UNC13C: variants seen among roughly 807,000 people sequenced by gnomAD.
The protein encoded by UNC13C is protein unc-13 homolog C.
Under a neutral mutation model 245.4 loss-of-function variants are expected in UNC13C, and 174 were observed. The observed-to-expected ratio is 0.71, with a 90% CI of 0.63 to 0.80. The LOEUF (loss-of-function observed/expected upper bound fraction) is 0.80, where lower values mean the gene tolerates loss of function less well. UNC13C is among the 30% of genes least tolerant of loss of function. The pLI, the probability that UNC13C is intolerant of heterozygous loss-of-function variation, is 0.00. For missense variants in UNC13C, 2,829 were observed against 2,602.9 expected, an observed-to-expected ratio of 1.09 and a Z score of -1.89; for synonymous variants, 992 against 895.1, an observed-to-expected ratio of 1.11 and a Z score of -1.93.
intron 22 of UNC13C, among the ~76,000 whole-genome samples, chr15:54,501,264 T>G (rs762795213): frequency 2.6e-5 from 4 of 152,124 alleles, no homozygotes; most frequent in Non-Finnish European, 4.4e-5. Flanking sequence ...ATTTCAAATG[T>G]GGTGTTTTCT....
At chr15:54,090,347 GTCT>G (rs961465304) in intron 2 of UNC13C, among the ~76,000 whole-genome samples, 19 of 151,824 alleles carry the variant, frequency 1.3e-4, no homozygotes, top group Admixed American at 6.6e-5. Flanking sequence ...GGGACAAGAA[GTCT>G]TCTCTATCTA....
chr15:54,066,644 G>A (rs1442062322), intron 2 of UNC13C, among the ~76,000 whole-genome samples: 1 of 152,128 alleles, frequency 6.6e-6, no homozygotes, highest in Admixed American at 6.6e-5. Flanking sequence ...GAGGTCACGT[G>A]TTATGCCTTC....
the UNC13C span, among the ~76,000 whole-genome samples, chr15:53,962,655 T>C: frequency 6.6e-6 from 1 of 152,224 alleles, no homozygotes; most frequent in African/African-American, 2.4e-5. Flanking sequence ...CTGTTCCATT[T>C]AAGCATTGCC....
chr15:53,864,272 G>A, the UNC13C span, among the ~76,000 whole-genome samples: 1 of 152,106 alleles, frequency 6.6e-6, no homozygotes, highest in Non-Finnish European at 1.5e-5. Context: ...TTATTACTGA[G>A]GTTGGTGTGA....
intron 2 of UNC13C, among the ~76,000 whole-genome samples, chr15:54,051,382 G>A (rs952504194): frequency 1.3e-5 from 2 of 151,936 alleles, no homozygotes; most frequent in Non-Finnish European, 2.9e-5. Context: ...TTTTTTATCT[G>A]GTGGATTGAG....
intron 17 of UNC13C, among the ~76,000 whole-genome samples, chr15:54,378,874 A>G (rs1376165234): frequency 1.3e-5 from 2 of 152,022 alleles, no homozygotes; most frequent in Non-Finnish European, 2.9e-5. Context: ...AATTCAAGGA[A>G]CAATTTTGAG....
At chr15:54,522,418 C>T (rs1407252380) in intron 24 of UNC13C, among the ~76,000 whole-genome samples, 4 of 151,974 alleles carry the variant, frequency 2.6e-5, no homozygotes, top group African/African-American at 7.3e-5. Context: ...GTGGAGGTTG[C>T]AGTGAGCCAA....
the UNC13C span, among the ~76,000 whole-genome samples, chr15:53,952,061 G>T: frequency 1.3e-5 from 2 of 152,186 alleles, no homozygotes; most frequent in Non-Finnish European, 2.9e-5. Context: ...TGATGTGAGG[G>T]TTTGGGCAAT....
At chr15:54,505,017 C>T (rs1894406696) in intron 22 of UNC13C, among the ~76,000 whole-genome samples, 2 of 152,148 alleles carry the variant, frequency 1.3e-5, no homozygotes, top group African/African-American at 4.8e-5. Context: ...AGCAGAATCA[C>T]TCTCTGTACT....
chr15:54,620,106 A>C (rs1900700462), intron 30 of UNC13C, among the ~76,000 whole-genome samples: 1 of 152,150 alleles, frequency 6.6e-6, no homozygotes, highest in South Asian at 2.1e-4. Flanking sequence ...TTGAAGAGTA[A>C]ATTTTGTCTT....
intron 4 of UNC13C, among the ~76,000 whole-genome samples, chr15:54,175,211 C>T (rs915414410): frequency 6.6e-6 from 1 of 152,128 alleles, no homozygotes; most frequent in African/African-American, 2.4e-5. Context: ...TCTCCATCAG[C>T]TTTTCTTTAT....
intron 8 of UNC13C, among the ~76,000 whole-genome samples, chr15:54,256,735 G>C (rs557567017): frequency 1.8e-4 from 27 of 152,264 alleles, no homozygotes; most frequent in African/African-American, 6.5e-4. Context: ...TGCGGTTTCA[G>C]GTATTCCTGA....
chr15:54,030,617 T>G (rs1896317140), intron 2 of UNC13C, among the ~76,000 whole-genome samples: 1 of 152,240 alleles, frequency 6.6e-6, no homozygotes, highest in Non-Finnish European at 1.5e-5. Context: ...TTGTTTGTAT[T>G]GCTATAACAA....
At chr15:54,128,575 T>C (rs999952689) in intron 2 of UNC13C, among the ~76,000 whole-genome samples, 5 of 152,296 alleles carry the variant, frequency 3.3e-5, no homozygotes, top group South Asian at 4.1e-4. Flanking sequence ...CCTGAACAGT[T>C]AGGGTGTTAT....
chr15:54,562,096 A>G (rs774799532), intron 29 of UNC13C, among the ~76,000 whole-genome samples: 1 of 152,018 alleles, frequency 6.6e-6, no homozygotes, highest in Admixed American at 6.6e-5. Flanking sequence ...GTGGAAATCA[A>G]TATTTAAGAA....
intron 19 of UNC13C, among the ~76,000 whole-genome samples, chr15:54,420,804 A>G (rs2040625646): frequency 6.6e-6 from 1 of 152,030 alleles, no homozygotes; most frequent in Non-Finnish European, 1.5e-5. Context: ...AAGATGCTAA[A>G]GCTCTTGTTA....
chr15:54,168,942 A>C (rs1477151268), intron 4 of UNC13C, among the ~76,000 whole-genome samples: 1 of 152,196 alleles, frequency 6.6e-6, no homozygotes, highest in East Asian at 1.9e-4. Context: ...AAAATGGAAA[A>C]ATGCTAAGGG....
intron 25 of UNC13C, among the ~76,000 whole-genome samples, chr15:54,527,373 A>T (rs1895518713): frequency 6.6e-6 from 1 of 152,158 alleles, no homozygotes; most frequent in Non-Finnish European, 1.5e-5. Context: ...GAGACTATTT[A>T]GCAAAGTTAG....
At chr15:54,200,938 A>G (rs1207884855) in intron 4 of UNC13C, among the ~76,000 whole-genome samples, 2 of 152,046 alleles carry the variant, frequency 1.3e-5, no homozygotes. Context: ...TTAACCAAGA[A>G]AAGAGAGAAG....
Sources: allele counts gnomAD v4.1 joint callset (sites outside exome capture counted in the v4.1 genomes callset), GRCh38; gene constraint gnomAD v4.1.1; transcripts MANE v1.5; gene names NCBI Gene and HGNC (gene_info 2026-07-23, HGNC 2026-07-21).